The following RABGAP1L variants were observed in gnomAD, a reference collection of about 807,000 sequenced individuals.
RABGAP1L encodes RAB GTPase activating protein 1 like.
Under a neutral mutation model 137.7 loss-of-function variants are expected in RABGAP1L, and 63 were observed. The observed-to-expected ratio is 0.46, with a 90% CI of 0.37 to 0.56. RABGAP1L has a LOEUF of 0.56. Ranked by LOEUF, RABGAP1L falls within the 20% of genes least tolerant of loss-of-function variation. The probability of loss-of-function intolerance (pLI) is 0.00; values close to 1 mark genes in which losing one functional copy is unlikely to be tolerated. For synonymous variants in RABGAP1L, 431 were observed against 433.7 expected (o/e 0.99, Z 0.08); for missense variants, 1,095 against 1,244.0 (o/e 0.88, Z 1.80).
chr1:174,256,957 C>A (rs1459384361), intron 7 of RABGAP1L, among the ~76,000 whole-genome samples: 1 of 152,028 alleles, frequency 6.6e-6, no homozygotes, highest in Admixed American at 6.6e-5. Context: ...GTATTCAGTC[C>A]TTGGCATTCT....
chr1:174,568,128 A>G (rs1387640640), intron 13 of RABGAP1L, among the ~76,000 whole-genome samples: 2 of 152,126 alleles, frequency 1.3e-5, no homozygotes, highest in Non-Finnish European at 2.9e-5. Context: ...TCATGGCAGA[A>G]GGTGAAGGGG....
intron 15 of RABGAP1L, among the ~76,000 whole-genome samples, chr1:174,686,205 G>A (rs1383536920): frequency 6.6e-6 from 1 of 152,176 alleles, no homozygotes; most frequent in African/African-American, 2.4e-5. Flanking sequence ...TGGAAGTGAA[G>A]AGCAATTATA....
intron 13 of RABGAP1L, among the ~76,000 whole-genome samples, chr1:174,529,836 T>A (rs1664234636): frequency 6.6e-6 from 1 of 151,956 alleles, no homozygotes; most frequent in African/African-American, 2.4e-5. Flanking sequence ...AGATGTTAGT[T>A]GTAGTGGTAT....
chr1:174,577,210 TAC>T (rs67709003), intron 13 of RABGAP1L, among the ~76,000 whole-genome samples: 6,789 of 126,782 alleles, frequency 0.054, 199 homozygotes, highest in African/African-American at 0.079. Flanking sequence ...GGGGAAAAAA[TAC>T]ACACACACAC....
intron 13 of RABGAP1L, among the ~76,000 whole-genome samples, chr1:174,565,251 A>G (rs982215528): frequency 3.3e-5 from 5 of 152,208 alleles, no homozygotes; most frequent in Non-Finnish European, 7.3e-5. Flanking sequence ...CTAATCTAAC[A>G]GATGTCTTCT....
At chr1:174,371,783 T>C (rs1685131601) in intron 12 of RABGAP1L, among the ~76,000 whole-genome samples, 1 of 152,166 alleles carries the variant, frequency 6.6e-6, no homozygotes, top group South Asian at 2.1e-4. Flanking sequence ...CAGGGGAGAC[T>C]ACAAAGTCTG....
chr1:174,247,581 A>G (rs1382909817), intron 5 of RABGAP1L, among the ~76,000 whole-genome samples: 4 of 152,212 alleles, frequency 2.6e-5, no homozygotes, highest in Non-Finnish European at 5.9e-5. Flanking sequence ...TCCACCCAAC[A>G]TGGCAATTCC....
At chr1:174,349,063 C>A (rs577352503) in intron 11 of RABGAP1L, among the ~76,000 whole-genome samples, 1 of 149,042 alleles carries the variant, frequency 6.7e-6, no homozygotes, top group African/African-American at 2.4e-5. Flanking sequence ...GGCTGACCCC[C>A]CCCACCTCCC....
At chr1:174,258,252 C>T (rs888962211) in intron 7 of RABGAP1L, among the ~76,000 whole-genome samples, 13 of 152,182 alleles carry the variant, frequency 8.5e-5, no homozygotes, top group African/African-American at 3.1e-4. Flanking sequence ...GGTAGTCCAG[C>T]AGGTGGCAGC....
intron 13 of RABGAP1L, among the ~76,000 whole-genome samples, chr1:174,439,218 A>G (rs1027036481): frequency 2.6e-5 from 4 of 152,200 alleles, no homozygotes; most frequent in African/African-American, 9.6e-5. Context: ...GTTTTCCCAT[A>G]AAGTGTCTTT....
At chr1:174,389,956 T>G (rs895740453) in intron 12 of RABGAP1L, among the ~76,000 whole-genome samples, 1 of 152,176 alleles carries the variant, frequency 6.6e-6, no homozygotes, top group Non-Finnish European at 1.5e-5. Flanking sequence ...ATTTTCAAGT[T>G]CCTGATAACT....
At chr1:174,293,082 A>T (rs902332459) in intron 10 of RABGAP1L, among the ~76,000 whole-genome samples, 10 of 151,552 alleles carry the variant, frequency 6.6e-5, no homozygotes, top group African/African-American at 2.2e-4. Context: ...GAAAGTGGAA[A>T]ATTATGATAA....
At chr1:174,820,572 G>A (rs1690911313) in intron 19 of RABGAP1L, among the ~76,000 whole-genome samples, 1 of 152,092 alleles carries the variant, frequency 6.6e-6, no homozygotes. Context: ...GGGACTGAAA[G>A]ACTACAAGAA....
At chr1:174,493,190 A>G (rs1398852935) in intron 13 of RABGAP1L, among the ~76,000 whole-genome samples, 3 of 147,002 alleles carry the variant, frequency 2.0e-5, no homozygotes, top group Non-Finnish European at 3.0e-5. Flanking sequence ...AGATCCTGTC[A>G]CTGCAAAAAG....
At chr1:174,253,760 A>G (rs942712738) in intron 7 of RABGAP1L, among the ~76,000 whole-genome samples, 3 of 152,204 alleles carry the variant, frequency 2.0e-5, no homozygotes, top group Admixed American at 6.5e-5. Context: ...TCAGTCAAAC[A>G]ACAAAGGATG....
intron 1 of RABGAP1L, among the ~76,000 whole-genome samples, chr1:174,216,796 G>A (rs1669361489): frequency 6.6e-6 from 1 of 152,148 alleles, no homozygotes; most frequent in African/African-American, 2.4e-5. Flanking sequence ...ATGAGAAAGT[G>A]ATGGGGGCAA....
At chr1:174,698,709 G>C (rs1679433448) in intron 15 of RABGAP1L, among the ~76,000 whole-genome samples, 1 of 149,878 alleles carries the variant, frequency 6.7e-6, no homozygotes, top group Admixed American at 6.7e-5. Context: ...TATATACTGA[G>C]ATAGAAAGAT....
intron 13 of RABGAP1L, among the ~76,000 whole-genome samples, chr1:174,529,032 C>A (rs1471552122): frequency 6.8e-6 from 1 of 147,060 alleles, no homozygotes; most frequent in Non-Finnish European, 1.5e-5. Context: ...TGGTATATTT[C>A]TCATTCATGT....
At chr1:174,539,778 C>A (rs1396438552) in intron 13 of RABGAP1L, among the ~76,000 whole-genome samples, 2 of 152,164 alleles carry the variant, frequency 1.3e-5, no homozygotes, top group African/African-American at 4.8e-5. Context: ...TTTATAACAG[C>A]ATGATTTATA....
Sources: gnomAD v4.1 joint callset for allele counts (sites outside exome capture counted in the v4.1 genomes callset) on GRCh38, gnomAD v4.1.1 for gene constraint, MANE v1.5 for transcripts, NCBI Gene and HGNC (gene_info 2026-07-23, HGNC 2026-07-21) for gene names.